Variants in PTER observed in about 807,000 individuals in gnomAD.
PTER encodes N-acetyltaurine hydrolase.
In PTER, 38 loss-of-function variants were observed where a neutral mutation model predicts 29.6. The observed-to-expected ratio is 1.28, with a 90% confidence interval of 0.99 to 1.68. The LOEUF (loss-of-function observed/expected upper bound fraction) is 1.68. Ranked by LOEUF, PTER falls within the 40% of genes most tolerant of loss-of-function variation. The pLI is 0.00. For missense variants in PTER, 482 were observed against 427.8 expected (o/e 1.13, Z -1.12); for synonymous variants, 172 against 154.5 (o/e 1.11, Z -0.84).
In PTER at chr10:16,503,764, A is replaced by G. The variant is rs181159559; in HGVS notation, c.699-1256A>G. 7.4e-4 allele frequency among the ~76,000 whole-genome samples: 112 copies of G among 152,128 alleles called. No individual in the cohort carries two copies. The Middle Eastern group carries it at 0.01, about 14-fold the overall frequency. Reference sequence around the variant, plus strand: ...TATGTTGGCTAGACTGGTCTGGAACACCTGACCTCAAGTGATTCACCCACC... The same window carrying G: ...TATGTTGGCTAGACTGGTCTGGAACGCCTGACCTCAAGTGATTCACCCACC... On this transcript the variant is annotated intron_variant, in intron 3 of 4. Transcript: ENST00000535784.
chr10:16,486,630 T>A lies in PTER; in HGVS notation c.698+13T>A, dbSNP rs753675575. The A allele has an allele frequency of 6.3e-7, 1 of 1,595,150 alleles. No individual in the cohort carries two copies. Among genetic ancestry groups the A allele is most frequent in the East Asian group, 2.2e-5 (1 of 44,574 alleles). On this transcript the variant is annotated intron_variant, in intron 3 of 4. Coordinates refer to ENST00000535784, the MANE Select transcript of PTER (RefSeq NM_001261836.2). ...CACACCTGGATAGGTAAGTAGGCTG[T>A]CTTACAAATGGATGCAAACTGCCAT...
chr10:16,491,289 A>G (rs909730865), intron 3 of PTER, among the ~76,000 whole-genome samples: 2 of 152,216 alleles, frequency 1.3e-5, no homozygotes, highest in Non-Finnish European at 2.9e-5. Context: ...TAGAAAAAGC[A>G]GTGCATTCGG....
intron 3 of PTER, among the ~76,000 whole-genome samples, chr10:16,491,461 C>T (rs547082039): frequency 6.6e-6 from 1 of 152,242 alleles, no homozygotes; most frequent in East Asian, 1.9e-4. Context: ...GCTGTGCATA[C>T]GATCTGAGCC....
At chr10:16,463,616 G>A (rs145896647) in intron 1 of PTER, among the ~76,000 whole-genome samples, 27 of 151,314 alleles carry the variant, frequency 1.8e-4, no homozygotes, top group African/African-American at 5.8e-4. Context: ...CGGTTTCACC[G>A]TGTTGGCCAG....
At chr10:16,478,639 T>A (rs1403328773) in intron 1 of PTER, among the ~76,000 whole-genome samples, 9 of 144,298 alleles carry the variant, frequency 6.2e-5, no homozygotes, top group Admixed American at 4.9e-4. Context: ...CAGCCCCATT[T>A]AAAAAAAAAA....
downstream of PTER, among the ~76,000 whole-genome samples, chr10:16,518,457 T>A (rs373857779): frequency 1.3e-5 from 2 of 152,310 alleles, no homozygotes; most frequent in East Asian, 3.9e-4. Flanking sequence ...TTTTTCCTGA[T>A]CCTCATGGAA....
chr10:16,479,997 C>T lies in PTER; in HGVS notation c.-48-4340C>T, dbSNP rs575626015. Among the ~76,000 whole-genome samples, 12 of 145,334 alleles carry T rather than the reference C, an allele frequency of 8.3e-5. No homozygotes were observed. The East Asian group carries it at 2.6e-3, about 32-fold the overall frequency. On this transcript the variant is annotated intron_variant, in intron 1 of 4. Coordinates refer to ENST00000535784, the MANE Select transcript of PTER (RefSeq NM_001261836.2). ...GTTTTTACCATCACTTCATTTTACT[C>T]ATAGTATTAGGTTGGTGCAAATGTA...
At chr10:16,443,385 T>A (rs903086756) in intron 1 of PTER, among the ~76,000 whole-genome samples, 1 of 152,356 alleles carries the variant, frequency 6.6e-6, no homozygotes, top group African/African-American at 2.4e-5. Flanking sequence ...GGGTTCGGGC[T>A]GCAACAGACA....
intron 4 of PTER, among the ~76,000 whole-genome samples, chr10:16,508,298 G>C (rs1456381802): frequency 6.6e-6 from 1 of 151,858 alleles, no homozygotes; most frequent in Non-Finnish European, 1.5e-5. Flanking sequence ...TTGATCTCCT[G>C]ACCTCGTGAT....
At position 16,485,654 on chromosome 10, in the gene PTER, A is replaced by G. The variant is rs185031602; in HGVS notation, c.433-698A>G. On this transcript the variant is annotated intron_variant, in intron 2 of 4. Coordinates refer to ENST00000535784, the MANE Select transcript of PTER (RefSeq NM_001261836.2). ...AATGTATTTTTGTTGTTTAAAGACT[A>G]TGCTGATGATGAGGATTATATATTC... Among the ~76,000 whole-genome samples, 42 of 152,300 alleles carry G rather than the reference A, an allele frequency of 2.8e-4. No homozygotes were observed. In the East Asian group the frequency reaches 8.1e-3, roughly 29 times the overall value.
chr10:16,446,753 T>C (rs577484580), intron 1 of PTER, among the ~76,000 whole-genome samples: 7 of 152,220 alleles, frequency 4.6e-5, no homozygotes, highest in African/African-American at 1.7e-4. Context: ...ACCACCAAGA[T>C]TGTAAGACAT....
At position 16,474,532 on chromosome 10, in the gene PTER, C is replaced by G. The variant is rs115978187; in HGVS notation, c.-48-9805C>G. On this transcript the variant is annotated intron_variant, in intron 1 of 4. Transcript: ENST00000535784. ...ATTTTGAATACCTACTGCTGTGTAA[C>G]AAACCACCTACCCATTTGGGGTGCT... Among the ~76,000 whole-genome samples the G allele has an allele frequency of 7.8e-3, 1,188 of 152,170 alleles. 16 individuals are homozygous for G. Among genetic ancestry groups the G allele is most frequent in the African/African-American group, 0.027 (1,129 of 41,504 alleles).
chr10:16,484,806 C>T lies in PTER; in HGVS notation c.422C>T (p.Ser141Leu), dbSNP rs1204884569. ...CACTCCTCAGAGACCAGGGCCATGTCAGTGGAGCAGGTAAAAAGCCTAAGT... is the reference window on the plus strand; with the variant it reads ...CACTCCTCAGAGACCAGGGCCATGTTAGTGGAGCAGGTAAAAAGCCTAAGT... Reference protein sequence around the residue: ...ATHSSETRAMSVEQLTDVLMN... With the variant: ...ATHSSETRAMLVEQLTDVLMN... The change falls in exon 2 of 5, where the codon TCA becomes TTA. Residue 141 changes from serine to leucine, a missense_variant. Coordinates refer to ENST00000535784, the MANE Select transcript of PTER (RefSeq NM_001261836.2). 2 of 1,594,766 alleles carry T rather than the reference C, an allele frequency of 1.3e-6. No individual in the cohort carries two copies. Among genetic ancestry groups the T allele is most frequent in the Admixed American group, 1.8e-5 (1 of 54,860 alleles).
intron 1 of PTER, among the ~76,000 whole-genome samples, chr10:16,476,730 C>G (rs1318832273): frequency 6.6e-6 from 1 of 151,554 alleles, no homozygotes; most frequent in Non-Finnish European, 1.5e-5. Flanking sequence ...CCCCACCATG[C>G]CCAGCTAATT....
intron 1 of PTER, among the ~76,000 whole-genome samples, chr10:16,459,552 G>C (rs1834530267): frequency 2.0e-5 from 3 of 152,124 alleles, no homozygotes; most frequent in Non-Finnish European, 4.4e-5. Context: ...TACAGGACTT[G>C]TTAGATACAC....
chr10:16,501,550 T>G (rs1346009192), intron 3 of PTER, among the ~76,000 whole-genome samples: 1 of 152,172 alleles, frequency 6.6e-6, no homozygotes, highest in Non-Finnish European at 1.5e-5. Flanking sequence ...AGTGAATCCT[T>G]TCTTACCTTT....
chr10:16,444,579 G>T (rs1344243427), intron 1 of PTER, among the ~76,000 whole-genome samples: 2 of 151,594 alleles, frequency 1.3e-5, no homozygotes, highest in Non-Finnish European at 2.9e-5. Context: ...TTTTTTTAGA[G>T]ATGGGGTCTC....
At chr10:16,489,428 GTTC>G (rs1276957290) in intron 3 of PTER, among the ~76,000 whole-genome samples, 1 of 151,972 alleles carries the variant, frequency 6.6e-6, no homozygotes, top group Admixed American at 6.6e-5. Flanking sequence ...TAGTTTACTA[GTTC>G]TTCTGGCTGT....
At chr10:16,470,037 G>A (rs1348178573) in intron 1 of PTER, among the ~76,000 whole-genome samples, 2 of 152,120 alleles carry the variant, frequency 1.3e-5, no homozygotes. Flanking sequence ...GCTATCTATT[G>A]TTATTGTCGG....
Sources: gnomAD v4.1 joint callset for allele counts (sites outside exome capture counted in the v4.1 genomes callset) on GRCh38, gnomAD v4.1.1 for gene constraint, MANE v1.5 for transcripts, NCBI Gene and HGNC (gene_info 2026-07-23, HGNC 2026-07-21) for gene names.